CTNNA3: variants seen among roughly 807,000 people sequenced by gnomAD.
The protein encoded by CTNNA3 is catenin alpha 3, also known as catenin alpha-3.
CTNNA3 carries 76 observed loss-of-function variants against 95.7 expected under a neutral mutation model. The ratio of observed to expected loss-of-function variants is 0.79; its 90% CI spans 0.66 to 0.96. CTNNA3 has a LOEUF of 0.96. Ranked by LOEUF, CTNNA3 falls within the 40% of genes least tolerant of loss-of-function variation. The pLI, the probability that CTNNA3 is intolerant of heterozygous loss-of-function variation, is 0.00. For missense variants in CTNNA3, 1,191 were observed against 1,089.8 expected, an observed-to-expected ratio of 1.09 and a Z score of -1.31; for synonymous variants, 431 against 374.4, an observed-to-expected ratio of 1.15 and a Z score of -1.74.
intron 9 of CTNNA3, among the ~76,000 whole-genome samples, chr10:66,671,134 C>T (rs7895190): frequency 0.19 from 28,155 of 152,046 alleles, 3,371 homozygotes; most frequent in East Asian, 0.34. Context: ...AAGAACCAAA[C>T]TGCAAATTCA....
intron 10 of CTNNA3, among the ~76,000 whole-genome samples, chr10:66,612,912 C>T (rs979386053): frequency 1.3e-5 from 2 of 152,034 alleles, no homozygotes; most frequent in South Asian, 4.2e-4. Context: ...TCCACCGATT[C>T]CTCCCAAACA....
At chr10:67,087,973 T>C (rs956051754) in intron 7 of CTNNA3, among the ~76,000 whole-genome samples, 1 of 151,960 alleles carries the variant, frequency 6.6e-6, no homozygotes, top group African/African-American at 2.4e-5. Flanking sequence ...AAGGTTATGG[T>C]CTAATATGAG....
intron 15 of CTNNA3, among the ~76,000 whole-genome samples, chr10:66,036,612 G>A (rs374369559): frequency 6.6e-6 from 1 of 152,006 alleles, no homozygotes; most frequent in East Asian, 1.9e-4. Context: ...CTGGCCTCAG[G>A]TGATCCACCC....
chr10:66,094,255 G>A (rs72793475), intron 14 of CTNNA3, among the ~76,000 whole-genome samples: 6,883 of 152,078 alleles, frequency 0.045, 219 homozygotes, highest in East Asian at 0.18. Context: ...ATTTCTGCAC[G>A]AGGAGGTAGC....
At chr10:67,410,379 G>A (rs892899269) in intron 5 of CTNNA3, among the ~76,000 whole-genome samples, 2 of 152,020 alleles carry the variant, frequency 1.3e-5, no homozygotes, top group African/African-American at 4.8e-5. Context: ...GGAGGGAGAG[G>A]ATGAGGAAGA....
chr10:66,789,184 TTTG>T (rs899620329), intron 7 of CTNNA3, among the ~76,000 whole-genome samples: 5 of 152,126 alleles, frequency 3.3e-5, no homozygotes, highest in African/African-American at 9.7e-5. Flanking sequence ...ATTTGTTTGT[TTTG>T]TTGTTGTTTT....
In CTNNA3 at chr10:67,514,720, G is replaced by GTTT. The variant is rs529419460; in HGVS notation, c.579+7119_579+7121dup. ...TTTGGGTTTTTGTTTTGTTTTTGTT[G>GTTT]TTTTTTTTTTTTTTGCCATCTCTGG... On this transcript the variant is annotated intron_variant, in intron 5 of 17. Coordinates refer to ENST00000433211, the MANE Select transcript of CTNNA3 (RefSeq NM_013266.4). 1.7e-3 allele frequency among the ~76,000 whole-genome samples: 215 copies of GTTT among 127,766 alleles called. 2 individuals are homozygous for GTTT. Among genetic ancestry groups the GTTT allele is most frequent in the African/African-American group, 5.6e-3 (206 of 36,862 alleles). The allele number at this position is 127,766 out of a possible 152,430, so 83.8% of individuals were successfully genotyped here. A position where few individuals can be genotyped will look rare whatever the true frequency, so the allele number is the denominator to read the frequency against.
intron 5 of CTNNA3, among the ~76,000 whole-genome samples, chr10:67,442,110 T>C (rs548490074): frequency 6.6e-6 from 1 of 152,312 alleles, no homozygotes; most frequent in Admixed American, 6.5e-5. Flanking sequence ...TTAGTTTTCT[T>C]TTTGTTTTTT....
intron 5 of CTNNA3, among the ~76,000 whole-genome samples, chr10:67,498,187 A>C (rs1024568529): frequency 5.3e-5 from 8 of 152,252 alleles, no homozygotes; most frequent in Non-Finnish European, 1.0e-4. Context: ...TTTATTAAAT[A>C]TAAAATCTTT....
intron 9 of CTNNA3, among the ~76,000 whole-genome samples, chr10:66,709,929 C>T (rs969563340): frequency 3.9e-5 from 6 of 152,084 alleles, no homozygotes; most frequent in Non-Finnish European, 7.4e-5. Context: ...ATTTGAAATG[C>T]TATTAGAAAT....
intron 15 of CTNNA3, among the ~76,000 whole-genome samples, chr10:66,049,977 A>G (rs985329938): frequency 6.6e-6 from 1 of 152,200 alleles, no homozygotes; most frequent in Non-Finnish European, 1.5e-5. Flanking sequence ...GTGTATAGGA[A>G]CCACACACAC....
chr10:65,924,033 T>A (rs2077128506), intron 17 of CTNNA3, among the ~76,000 whole-genome samples: 1 of 152,178 alleles, frequency 6.6e-6, no homozygotes, highest in South Asian at 2.1e-4. Context: ...TACTTTTATT[T>A]AAAATGACCT....
chr10:67,295,207 A>C (rs1446803893), intron 5 of CTNNA3, among the ~76,000 whole-genome samples: 2 of 152,214 alleles, frequency 1.3e-5, no homozygotes, highest in African/African-American at 4.8e-5. Flanking sequence ...AATGCCTACT[A>C]TCTGTGAGAA....
chr10:65,957,577 C>G (rs2133229051), intron 17 of CTNNA3, among the ~76,000 whole-genome samples: 1 of 152,282 alleles, frequency 6.6e-6, no homozygotes, highest in South Asian at 2.1e-4. Flanking sequence ...TCTTGTAAGG[C>G]AGGCCTGGTG....
chr10:66,515,477 A>T (rs1295467613), intron 11 of CTNNA3, among the ~76,000 whole-genome samples: 4 of 152,202 alleles, frequency 2.6e-5, no homozygotes, highest in Middle Eastern at 3.4e-3. Flanking sequence ...CTAACTTGTC[A>T]ATTGATCTAC....
At chr10:66,068,182 A>G (rs1032192267) in intron 15 of CTNNA3, among the ~76,000 whole-genome samples, 2 of 152,010 alleles carry the variant, frequency 1.3e-5, no homozygotes, top group Non-Finnish European at 2.9e-5. Flanking sequence ...TTTTTCAAAT[A>G]TTTGTCTGCC....
At chr10:66,431,753 G>C (rs1367910296) in intron 11 of CTNNA3, among the ~76,000 whole-genome samples, 5 of 119,178 alleles carry the variant, frequency 4.2e-5, no homozygotes, top group Non-Finnish European at 6.8e-5. Flanking sequence ...GTTGTGGGGT[G>C]GGGGGAGGGG....
intron 2 of CTNNA3, among the ~76,000 whole-genome samples, chr10:67,632,528 C>T (rs1379390923): frequency 2.6e-5 from 4 of 152,066 alleles, no homozygotes; most frequent in South Asian, 2.1e-4. Flanking sequence ...ATTTGACCCA[C>T]GAAGAACAAA....
rs574946738 is a variant in CTNNA3 at position 66,264,452 on chromosome 10, T to G, written c.1884+16018A>C. Among the ~76,000 whole-genome samples the G allele has an allele frequency of 1.4e-3, 211 of 152,148 alleles. 1 individual carries two copies. The highest frequency in any genetic ancestry group is 4.8e-3 in the African/African-American group (200 of 41,558). Reference sequence around the variant, plus strand: ...GCAAGCAACATATGTAATTTTTAACTTGCTAGTAGTCATATTAAAAATAAT... The same window carrying G: ...GCAAGCAACATATGTAATTTTTAACGTGCTAGTAGTCATATTAAAAATAAT... On this transcript the variant is annotated intron_variant, in intron 13 of 17. Transcript: ENST00000433211.
Sources: allele counts gnomAD v4.1 joint callset (sites outside exome capture counted in the v4.1 genomes callset), GRCh38; gene constraint gnomAD v4.1.1; transcripts MANE v1.5; gene names NCBI Gene and HGNC (gene_info 2026-07-23, HGNC 2026-07-21).